Variants in TRAPPC3L observed in about 807,000 individuals in gnomAD.
The protein encoded by TRAPPC3L is trafficking protein particle complex subunit 3-like protein.
Under a neutral mutation model 23.7 loss-of-function variants are expected in TRAPPC3L, and 23 were observed. The observed-to-expected ratio is 0.97, with a 90% confidence interval of 0.70 to 1.37. The LOEUF is 1.37. Among genes scored for constraint, TRAPPC3L ranks in the 40% most tolerant of loss-of-function variants. The pLI, the probability that TRAPPC3L is intolerant of heterozygous loss-of-function variation, is 0.00. For missense variants in TRAPPC3L, 212 were observed against 216.8 expected (o/e 0.98, Z 0.14); for synonymous variants, 81 against 77.9 (o/e 1.04, Z -0.21).
intron 3 of TRAPPC3L, among the ~76,000 whole-genome samples, chr6:116,509,508 A>G (rs1443467465): frequency 6.6e-6 from 1 of 152,202 alleles, no homozygotes; most frequent in Non-Finnish European, 1.5e-5. Context: ...ACATAGACCA[A>G]TGGAACAGAA....
chr6:116,503,397 G>A (rs922603062), intron 3 of TRAPPC3L, among the ~76,000 whole-genome samples: 3 of 152,166 alleles, frequency 2.0e-5, no homozygotes, highest in Admixed American at 1.3e-4. Context: ...GACCTACAAA[G>A]AGACTTAGAC....
intron 3 of TRAPPC3L, chr6:116,521,714 G>A (rs2637675): frequency 0.025 from 3,840 of 152,158 alleles, 75 homozygotes; most frequent in Middle Eastern, 0.092. Flanking sequence ...ATAACTATCT[G>A]GCTACCCCTT....
chr6:116,537,293 G>C (rs2145336), intron 3 of TRAPPC3L, among the ~76,000 whole-genome samples: 57,128 of 152,046 alleles, frequency 0.38, 12,409 homozygotes, highest in East Asian at 0.54. Context: ...GAAAATCTTA[G>C]AGAAGGGATA....
intron 3 of TRAPPC3L, chr6:116,523,145 G>C (rs959406613): frequency 6.6e-6 from 1 of 151,790 alleles, no homozygotes; most frequent in Non-Finnish European, 1.5e-5. Context: ...GCTATTCTGG[G>C]GAAGGCAGGC....
At chr6:116,521,491 G>C (rs1200685614) in intron 3 of TRAPPC3L, 1 of 150,776 alleles carries the variant, frequency 6.6e-6, no homozygotes, top group Non-Finnish European at 1.5e-5. Flanking sequence ...GAAAAGATTG[G>C]TGACCCAACT....
intron 3 of TRAPPC3L, chr6:116,519,832 T>C (rs900327878): frequency 2.6e-5 from 4 of 152,202 alleles, no homozygotes; most frequent in Admixed American, 6.5e-5. Context: ...TGTGTACACA[T>C]ATATATATGA....
chr6:116,524,871 TG>T (rs903148557), intron 3 of TRAPPC3L: 28 of 152,328 alleles, frequency 1.8e-4, no homozygotes, highest in African/African-American at 6.0e-4. Context: ...ATATTCCTAT[TG>T]GAATTTCATT....
intron 3 of TRAPPC3L, chr6:116,518,795 C>G (rs1008704821): frequency 6.6e-6 from 1 of 152,172 alleles, no homozygotes; most frequent in Non-Finnish European, 1.5e-5. Context: ...AACTTACGCT[C>G]ATGACAATGA....
chr6:116,503,979 A>G (rs1771962600), intron 3 of TRAPPC3L, among the ~76,000 whole-genome samples: 1 of 152,230 alleles, frequency 6.6e-6, no homozygotes, highest in Admixed American at 6.5e-5. Flanking sequence ...AAGCAAGAGC[A>G]AAGAAACTCG....
intron 3 of TRAPPC3L, among the ~76,000 whole-genome samples, chr6:116,504,080 T>C (rs1005473416): frequency 2.6e-5 from 4 of 151,980 alleles, no homozygotes; most frequent in African/African-American, 9.7e-5. Context: ...AAAAAATCAA[T>C]GAATCCAGGA....
At chr6:116,530,810 C>CCCCAAAT (rs1163075779) in intron 3 of TRAPPC3L, among the ~76,000 whole-genome samples, 1 of 150,254 alleles carries the variant, frequency 6.7e-6, no homozygotes, top group Non-Finnish European at 1.5e-5. Context: ...TAGTTACGTG[C>CCCCAAAT]CCCAAATTCT....
chr6:116,504,359 T>A (rs1429727561), intron 3 of TRAPPC3L, among the ~76,000 whole-genome samples: 1 of 152,150 alleles, frequency 6.6e-6, no homozygotes, highest in African/African-American at 2.4e-5. Flanking sequence ...AATAGACTAA[T>A]AACAGGTTCT....
chr6:116,521,297 G>C (rs560843569), intron 3 of TRAPPC3L: 1 of 152,204 alleles, frequency 6.6e-6, no homozygotes, highest in South Asian at 2.1e-4. Flanking sequence ...GGCCCATGAC[G>C]TGCCACCTGT....
rs1293835480 is a variant in TRAPPC3L, at chr6:116,522,893, G to A, written c.240+17470C>T. The A allele has an allele frequency of 2.0e-5, 3 of 151,934 alleles. 1 individual carries two copies. The highest frequency in any genetic ancestry group is 4.4e-5 in the Non-Finnish European group (3 of 68,012). 9.4% of individuals were successfully genotyped at this position (151,934 alleles called of 1,614,324 possible). On this transcript the variant is annotated intron_variant, in intron 3 of 4. Coordinates refer to ENST00000368602, the MANE Select transcript of TRAPPC3L (RefSeq NM_001139444.3). ...CCTGCAGTTTAACGTGATCCTAGCT[G>A]ATTCCAGTTCAAGCTAAATTTGATA...
chr6:116,531,952 A>C (rs893749918), intron 3 of TRAPPC3L, among the ~76,000 whole-genome samples: 1 of 151,710 alleles, frequency 6.6e-6, no homozygotes, highest in Non-Finnish European at 1.5e-5. Context: ...TAAAATTACC[A>C]AGTTGAGTTC....
chr6:116,516,115 A>G (rs1225817255), intron 3 of TRAPPC3L: 2 of 1,286,610 alleles, frequency 1.6e-6, no homozygotes, highest in African/African-American at 3.0e-5. Flanking sequence ...CAAGACAATA[A>G]CACAAAGGAA....
intron 3 of TRAPPC3L, among the ~76,000 whole-genome samples, chr6:116,536,553 G>A (rs755280828): frequency 6.6e-6 from 1 of 152,100 alleles, no homozygotes; most frequent in East Asian, 1.9e-4. Context: ...TCAGAGGGAG[G>A]GATCACTTCT....
At chr6:116,538,580 G>T (rs190228663) in intron 3 of TRAPPC3L, among the ~76,000 whole-genome samples, 43 of 152,214 alleles carry the variant, frequency 2.8e-4, no homozygotes, top group African/African-American at 8.9e-4. Flanking sequence ...TCTCCAAATT[G>T]CCCTTGAAAT....
intron 3 of TRAPPC3L, chr6:116,529,187 C>A (rs757873774): frequency 6.6e-6 from 1 of 152,130 alleles, no homozygotes; most frequent in Non-Finnish European, 1.5e-5. Context: ...CAGCTCTGTG[C>A]GTGGTAAGGA....
Sources: gnomAD v4.1 joint callset for allele counts (sites outside exome capture counted in the v4.1 genomes callset) on GRCh38, gnomAD v4.1.1 for gene constraint, MANE v1.5 for transcripts, NCBI Gene and HGNC (gene_info 2026-07-23, HGNC 2026-07-21) for gene names.